ZNF366: variants seen among roughly 807,000 people sequenced by gnomAD.
The protein encoded by ZNF366 is zinc finger protein 366, also known as dendritic cell-specific transcript protein.
A neutral mutation model predicts 47.2 loss-of-function variants in ZNF366; 20 were observed. The observed-to-expected ratio is 0.42, with a 90% CI of 0.30 to 0.62. The LOEUF (loss-of-function observed/expected upper bound fraction) is 0.62, where lower values mean the gene tolerates loss of function less well. ZNF366 is among the 20% of genes least tolerant of loss of function. The pLI is 0.16. For synonymous variants in ZNF366, 421 were observed against 395.1 expected (o/e 1.07, Z -0.78); for missense variants, 987 against 976.3 (o/e 1.01, Z -0.15).
At chr5:72,488,522 A>C (rs1405081813) in intron 1 of ZNF366, among the ~76,000 whole-genome samples, 1 of 152,250 alleles carries the variant, frequency 6.6e-6, no homozygotes, top group Non-Finnish European at 1.5e-5. Context: ...ATGACACTTG[A>C]AACTAGGATT....
intron 1 of ZNF366, among the ~76,000 whole-genome samples, chr5:72,497,261 T>TA (rs1744133127): frequency 6.6e-6 from 1 of 152,198 alleles, no homozygotes; most frequent in African/African-American, 2.4e-5. Context: ...ATAGAAATAT[T>TA]AAAGTTCTAA....
rs1742904543 is a variant in ZNF366 at position 72,443,874 on chromosome 5, T to C, written c.2117A>G (p.Gln706Arg). 2 of 1,614,108 alleles carry C rather than the reference T, an allele frequency of 1.2e-6. No individual in the cohort carries two copies. The highest frequency in any genetic ancestry group is 1.7e-6 in the Non-Finnish European group (2 of 1,180,046). Residue 706 changes from glutamine to arginine, a missense_variant, in exon 5 of 5, where the codon CAG (glutamine) becomes CGG (arginine). Coordinates refer to ENST00000318442, the MANE Select transcript of ZNF366 (RefSeq NM_152625.3). Reference sequence around the variant, plus strand: ...AAAAGAGGGGCCCCGCCGGGTACTCTGAAAAGCCCTGAGACTGAGACACTC... The same window carrying C: ...AAAAGAGGGGCCCCGCCGGGTACTCCGAAAAGCCCTGAGACTGAGACACTC... Reference protein sequence around the residue: ...RDECLSLRAFQSTRRGPSFSD... With the variant: ...RDECLSLRAFRSTRRGPSFSD...
At chr5:72,466,699 G>A (rs572114257) in intron 1 of ZNF366, among the ~76,000 whole-genome samples, 76 of 152,314 alleles carry the variant, frequency 5.0e-4, no homozygotes, top group Admixed American at 2.6e-3. Flanking sequence ...AGTTTTAAAA[G>A]GTATAATTTT....
At chr5:72,466,463 C>T (rs1166826554) in intron 1 of ZNF366, among the ~76,000 whole-genome samples, 1 of 152,226 alleles carries the variant, frequency 6.6e-6, no homozygotes, top group Non-Finnish European at 1.5e-5. Flanking sequence ...ACAGGAGGAC[C>T]TGTTTGTCAA....
chr5:72,474,704 T>C (rs1743638277), intron 1 of ZNF366, among the ~76,000 whole-genome samples: 3 of 151,954 alleles, frequency 2.0e-5, no homozygotes, highest in Non-Finnish European at 4.4e-5. Context: ...TGTAAAGTAA[T>C]CCAAGTTGCT....
chr5:72,451,064 A>G (rs1379024547), intron 3 of ZNF366, among the ~76,000 whole-genome samples: 1 of 152,270 alleles, frequency 6.6e-6, no homozygotes, highest in African/African-American at 2.4e-5. Context: ...GTCTCCTTAA[A>G]TCATGTGATG....
chr5:72,505,702 C>G (rs1287236544), intron 1 of ZNF366, among the ~76,000 whole-genome samples: 3 of 152,194 alleles, frequency 2.0e-5, no homozygotes, highest in Non-Finnish European at 2.9e-5. Context: ...AAGTCAAGAT[C>G]GCAGACCTGC....
chr5:72,449,150 G>T (rs902244693), intron 3 of ZNF366, among the ~76,000 whole-genome samples: 1 of 151,920 alleles, frequency 6.6e-6, no homozygotes, highest in Non-Finnish European at 1.5e-5. Flanking sequence ...TTATTAAGAT[G>T]TATCAATCTG....
At chr5:72,469,762 G>A (rs1346298762) in intron 1 of ZNF366, among the ~76,000 whole-genome samples, 1 of 152,140 alleles carries the variant, frequency 6.6e-6, no homozygotes, top group Non-Finnish European at 1.5e-5. Flanking sequence ...AAAATCATCT[G>A]GAGCCTGGCA....
chr5:72,460,750 C>T lies in ZNF366; in HGVS notation c.747G>A (p.Ser249=), dbSNP rs761062700. The change falls in exon 2 of 5, where the codon TCG becomes TCA. Residue 249 remains serine (S), a synonymous_variant. Coordinates refer to ENST00000318442, the MANE Select transcript of ZNF366 (RefSeq NM_152625.3). ...AGGTGGGGCACTGCCAGCGCTTCTG[C>T]GAGCCGCCCACGTCCACGTAGTAGC... ...DDSYYVDVGG[S]QKRWQCPTCE... 2 of 1,614,070 alleles carry T rather than the reference C, an allele frequency of 1.2e-6. No individual in the cohort carries two copies. Among genetic ancestry groups the T allele is most frequent in the Non-Finnish European group, 1.7e-6 (2 of 1,180,040 alleles).
intron 1 of ZNF366, among the ~76,000 whole-genome samples, chr5:72,485,793 T>C (rs1561202006): frequency 6.6e-6 from 1 of 152,172 alleles, no homozygotes; most frequent in Admixed American, 6.5e-5. Flanking sequence ...ACTCCTATGA[T>C]CTCATGCCCT....
chr5:72,463,084 C>A (rs970706388), intron 1 of ZNF366, among the ~76,000 whole-genome samples: 1 of 152,212 alleles, frequency 6.6e-6, no homozygotes, highest in Non-Finnish European at 1.5e-5. Context: ...GGGCTCTAGC[C>A]CTTGGGATTG....
rs57920640 is a variant in ZNF366 at position 72,494,605 on chromosome 5, ATTTTTTTT to A, written c.-15+12638_-15+12645del. ...TCAGCTCCTTTAAAAGCTGTCAGAG[ATTTTTTTT>A]TTTTTTTTTTTGGTGTCAGGAGGGC... On this transcript the variant is annotated intron_variant, in intron 1 of 4. Transcript: ENST00000318442. Among the ~76,000 whole-genome samples, 3 of 137,332 alleles carry A rather than the reference ATTTTTTTT, an allele frequency of 2.2e-5. 1 individual carries two copies. Among genetic ancestry groups the A allele is most frequent in the South Asian group, 4.7e-4 (2 of 4,254 alleles). The allele number at this position is 137,332 out of a possible 152,430, so 90.1% of individuals were successfully genotyped here. A position where few individuals can be genotyped will look rare whatever the true frequency, so the allele number is the denominator to read the frequency against.
intron 1 of ZNF366, among the ~76,000 whole-genome samples, chr5:72,497,512 G>A (rs1744139110): frequency 6.6e-6 from 1 of 152,134 alleles, no homozygotes; most frequent in South Asian, 2.1e-4. Flanking sequence ...CCATTGTACA[G>A]ATGCCCTGTA....
intron 1 of ZNF366, among the ~76,000 whole-genome samples, chr5:72,479,411 A>T (rs1743738277): frequency 6.6e-6 from 1 of 152,008 alleles, no homozygotes; most frequent in South Asian, 2.1e-4. Flanking sequence ...TATTAAAAAA[A>T]TTAAAAAATT....
intron 4 of ZNF366, among the ~76,000 whole-genome samples, chr5:72,445,695 G>C (rs1192206156): frequency 1.3e-5 from 2 of 152,142 alleles, no homozygotes; most frequent in Non-Finnish European, 2.9e-5. Context: ...CTTTCAGTTG[G>C]AGTGTGGTCT....
At chr5:72,483,838 C>A (rs553007113) in intron 1 of ZNF366, among the ~76,000 whole-genome samples, 2 of 152,058 alleles carry the variant, frequency 1.3e-5, no homozygotes, top group Admixed American at 1.3e-4. Context: ...TGCTCCTGGC[C>A]CTCAAGCAGG....
At chr5:72,463,373 T>C (rs1168925304) in intron 1 of ZNF366, among the ~76,000 whole-genome samples, 1 of 152,210 alleles carries the variant, frequency 6.6e-6, no homozygotes, top group African/African-American at 2.4e-5. Flanking sequence ...GGGCATTATT[T>C]AAAGCTGGAC....
intron 4 of ZNF366, among the ~76,000 whole-genome samples, chr5:72,445,848 T>A (rs1742948909): frequency 6.6e-6 from 1 of 152,184 alleles, no homozygotes; most frequent in Admixed American, 6.5e-5. Context: ...GCAGGAAAAA[T>A]AAAATTGTTT....
Sources: gnomAD v4.1 joint callset for allele counts (sites outside exome capture counted in the v4.1 genomes callset) on GRCh38, gnomAD v4.1.1 for gene constraint, MANE v1.5 for transcripts, NCBI Gene and HGNC (gene_info 2026-07-23, HGNC 2026-07-21) for gene names.